Variants in EPM2A observed in about 807,000 individuals in gnomAD.
EPM2A encodes laforin.
A neutral mutation model predicts 26.5 loss-of-function variants in EPM2A; 21 were observed. The ratio of observed to expected loss-of-function variants is 0.79; its 90% confidence interval spans 0.56 to 1.14. The LOEUF is 1.14. Among genes scored for constraint, EPM2A ranks in the 50% most tolerant of loss-of-function variants. EPM2A has a pLI of 0.00. For synonymous variants in EPM2A, 217 were observed against 177.6 expected (o/e 1.22, Z -1.76); for missense variants, 458 against 440.8 (o/e 1.04, Z -0.35).
chr6:145,390,919 A>G lies in EPM2A; in HGVS notation c.556-6822T>C, dbSNP rs575839769. Among the ~76,000 whole-genome samples the G allele has an allele frequency of 1.3e-4, 20 of 152,290 alleles. No homozygotes were observed. In the East Asian group the frequency reaches 2.9e-3, roughly 22 times the overall value. On this transcript the variant is annotated intron_variant, in intron 4 of 4. Coordinates refer to the EPM2A transcript ENST00000638717. ...GGAAAGAGATTCGTTCAACCTGGTC[A>G]AGTTGCCCAATTGAACTTGGTCAAA...
chr6:145,663,473 T>A (rs1778898501), intron 2 of EPM2A, among the ~76,000 whole-genome samples: 1 of 152,220 alleles, frequency 6.6e-6, no homozygotes, highest in Non-Finnish European at 1.5e-5. Flanking sequence ...GGGAGTTCCC[T>A]TTCCGAGTCA....
At chr6:145,663,477 C>T (rs938118205) in intron 2 of EPM2A, among the ~76,000 whole-genome samples, 5 of 152,114 alleles carry the variant, frequency 3.3e-5, no homozygotes, top group Non-Finnish European at 5.9e-5. Flanking sequence ...GTTCCCTTTC[C>T]GAGTCAAAGA....
chr6:145,680,339 CTTT>C (rs11404126), intron 2 of EPM2A, among the ~76,000 whole-genome samples: 1 of 146,534 alleles, frequency 6.8e-6, no homozygotes, highest in African/African-American at 2.5e-5. Context: ...GTGCTAATTT[CTTT>C]TTTTTTTCTG....
intron 2 of EPM2A, among the ~76,000 whole-genome samples, chr6:145,508,471 G>A (rs895811277): frequency 7.2e-5 from 11 of 152,116 alleles, no homozygotes; most frequent in African/African-American, 2.4e-4. Context: ...CAACCAAGGA[G>A]CCCTTACAGA....
intron 2 of EPM2A, among the ~76,000 whole-genome samples, chr6:145,583,813 C>T (rs1781149145): frequency 2.6e-5 from 4 of 152,344 alleles, no homozygotes; most frequent in Admixed American, 2.6e-4. Flanking sequence ...TATCCGTGCA[C>T]ACATTTGCAC....
intron 2 of EPM2A, among the ~76,000 whole-genome samples, chr6:145,555,701 C>A (rs1485415054): frequency 6.6e-6 from 1 of 152,066 alleles, no homozygotes; most frequent in Admixed American, 6.6e-5. Context: ...TTGCATTTTT[C>A]TATTTAGACA....
chr6:145,483,875 G>A (rs758328931), intron 4 of EPM2A, among the ~76,000 whole-genome samples: 2 of 152,134 alleles, frequency 1.3e-5, no homozygotes. Flanking sequence ...CTGCTCACTG[G>A]AGGCTTGCCT....
At chr6:145,685,026 C>T (rs576573036) in intron 2 of EPM2A, 2 of 152,274 alleles carry the variant, frequency 1.3e-5, no homozygotes, top group Admixed American at 1.3e-4. Flanking sequence ...TTCAAAATAA[C>T]ACATTCTTTA....
At chr6:145,473,326 T>C (rs879897455) in intron 4 of EPM2A, among the ~76,000 whole-genome samples, 2 of 148,744 alleles carry the variant, frequency 1.3e-5, no homozygotes, top group African/African-American at 4.9e-5. Context: ...AAAAAAATAG[T>C]GAGCTTGAAG....
chr6:145,596,962 T>TCGGCTCC, intron 2 of EPM2A, among the ~76,000 whole-genome samples: 1 of 136,050 alleles, frequency 7.4e-6, no homozygotes, highest in African/African-American at 2.7e-5. Context: ...TGGCGCAATC[T>TCGGCTCC]CGGCTCACTG....
intron 3 of EPM2A, among the ~76,000 whole-genome samples, chr6:145,633,439 C>T (rs2128560641): frequency 6.6e-6 from 1 of 152,238 alleles, no homozygotes; most frequent in East Asian, 1.9e-4. Flanking sequence ...TGAAGAAGGG[C>T]AGAGCTCTTA....
intron 4 of EPM2A, among the ~76,000 whole-genome samples, chr6:145,435,484 T>C (rs909035782): frequency 1.3e-5 from 2 of 150,578 alleles, no homozygotes; most frequent in African/African-American, 4.9e-5. Context: ...TCACCATAAT[T>C]TTTTAAATTT....
At chr6:145,441,806 G>A (rs915937544) in intron 4 of EPM2A, among the ~76,000 whole-genome samples, 4 of 152,208 alleles carry the variant, frequency 2.6e-5, no homozygotes, top group Admixed American at 6.5e-5. Flanking sequence ...AGATTGCAGT[G>A]AGCCGAGATT....
At chr6:145,683,871 C>A (rs1289758350) in intron 2 of EPM2A, among the ~76,000 whole-genome samples, 5 of 152,018 alleles carry the variant, frequency 3.3e-5, no homozygotes, top group Non-Finnish European at 2.9e-5. Context: ...CAGCCATATA[C>A]AACAATCAAC....
At chr6:145,462,472 T>A (rs1227093514) in intron 4 of EPM2A, among the ~76,000 whole-genome samples, 3 of 152,186 alleles carry the variant, frequency 2.0e-5, no homozygotes, top group African/African-American at 7.2e-5. Context: ...AAAGATTAGG[T>A]ATTTCTAGCT....
At chr6:145,713,171 A>G (rs1005980984) in intron 1 of EPM2A, among the ~76,000 whole-genome samples, 1 of 152,192 alleles carries the variant, frequency 6.6e-6, no homozygotes, top group African/African-American at 2.4e-5. Context: ...GTTACAATGA[A>G]GTAAAGCACT....
In EPM2A at chr6:145,543,170, G is replaced by A. The variant is rs1442452440; in HGVS notation, c.341-40595C>T. Among the ~76,000 whole-genome samples, 3 of 152,028 alleles carry A rather than the reference G, an allele frequency of 2.0e-5. No homozygotes were observed. The East Asian group carries it at 5.8e-4, about 29-fold the overall frequency. On this transcript the variant is annotated intron_variant, in intron 2 of 3. Coordinates refer to the EPM2A transcript ENST00000450221. The stretch of plus-strand genomic sequence containing the variant: ...TGAGATTAAAAAGATGAGCAATATG[G>A]CCTTAAAAAAGATATAAACAGAATA...
intron 2 of EPM2A, among the ~76,000 whole-genome samples, chr6:145,661,451 A>T (rs1030643792): frequency 6.6e-6 from 1 of 152,244 alleles, no homozygotes; most frequent in African/African-American, 2.4e-5. Flanking sequence ...AACTTGTTTA[A>T]ATGCAAGGGA....
At chr6:145,674,767 G>C (rs1032549113) in intron 2 of EPM2A, among the ~76,000 whole-genome samples, 1 of 151,860 alleles carries the variant, frequency 6.6e-6, no homozygotes, top group South Asian at 2.1e-4. Flanking sequence ...AAAAGCCTCC[G>C]AGAAATATGG....
Sources: allele counts gnomAD v4.1 joint callset (sites outside exome capture counted in the v4.1 genomes callset), GRCh38; gene constraint gnomAD v4.1.1; transcripts MANE v1.5; gene names NCBI Gene and HGNC (gene_info 2026-07-23, HGNC 2026-07-21).